Variants in TMEM232 observed in about 807,000 individuals in gnomAD.
TMEM232 encodes transmembrane protein 232.
TMEM232 carries 80 observed loss-of-function variants against 78.8 expected under a neutral mutation model. The ratio of observed to expected loss-of-function variants is 1.01; its 90% CI spans 0.85 to 1.22. The LOEUF (loss-of-function observed/expected upper bound fraction) is 1.22. Among genes scored for constraint, TMEM232 ranks in the 50% most tolerant of loss-of-function variants. The pLI, the probability that TMEM232 is intolerant of heterozygous loss-of-function variation, is 0.00. For missense variants in TMEM232, 881 were observed against 742.2 expected (o/e 1.19, Z -2.17); for synonymous variants, 297 against 254.3 (o/e 1.17, Z -1.60).
intron 12 of TMEM232, among the ~76,000 whole-genome samples, chr5:110,461,509 G>A (rs1030650581): frequency 6.6e-5 from 10 of 152,200 alleles, no homozygotes; most frequent in Admixed American, 3.3e-4. Context: ...AGAAACTGCA[G>A]CAAGTTATCC....
At chr5:110,500,973 CA>C (rs1266252540) in intron 12 of TMEM232, among the ~76,000 whole-genome samples, 2 of 152,156 alleles carry the variant, frequency 1.3e-5, no homozygotes, top group African/African-American at 4.8e-5. Flanking sequence ...GGTCAAAATG[CA>C]AGATACAAAA....
chr5:110,470,587 C>A (rs1762562289), intron 12 of TMEM232, among the ~76,000 whole-genome samples: 1 of 152,126 alleles, frequency 6.6e-6, no homozygotes, highest in African/African-American at 2.4e-5. Flanking sequence ...ACTGAGGACC[C>A]TAATAACTTG....
intron 12 of TMEM232, among the ~76,000 whole-genome samples, chr5:110,469,166 C>G (rs1261682261): frequency 6.6e-6 from 1 of 152,164 alleles, no homozygotes; most frequent in Non-Finnish European, 1.5e-5. Context: ...CCCATAGAAA[C>G]AAACAGCCAA....
intron 10 of TMEM232, among the ~76,000 whole-genome samples, chr5:110,604,318 T>A (rs2149823055): frequency 6.6e-6 from 1 of 152,264 alleles, no homozygotes; most frequent in East Asian, 1.9e-4. Context: ...TTCTATTATC[T>A]CCCATAAATA....
chr5:110,505,541 A>C (rs905021843), intron 12 of TMEM232, among the ~76,000 whole-genome samples: 2 of 152,128 alleles, frequency 1.3e-5, no homozygotes, highest in African/African-American at 4.8e-5. Flanking sequence ...GAGTCTTGAT[A>C]TGTCACCCAG....
chr5:110,517,416 G>A (rs1377483936), intron 12 of TMEM232, among the ~76,000 whole-genome samples: 1 of 152,170 alleles, frequency 6.6e-6, no homozygotes, highest in Non-Finnish European at 1.5e-5. Flanking sequence ...ATTTAAATTT[G>A]CTTTTACACA....
chr5:110,562,383 T>C (rs1367151525), intron 11 of TMEM232, among the ~76,000 whole-genome samples: 1 of 152,142 alleles, frequency 6.6e-6, no homozygotes, highest in Admixed American at 6.6e-5. Flanking sequence ...CATGACATTT[T>C]CTTATCTGCA....
At chr5:110,675,748 T>C (rs1791950822) in intron 1 of TMEM232, among the ~76,000 whole-genome samples, 1 of 152,242 alleles carries the variant, frequency 6.6e-6, no homozygotes, top group Non-Finnish European at 1.5e-5. Context: ...TCAGGCTAAT[T>C]AATATCTCCA....
At chr5:110,542,210 C>CA (rs1237416807) in intron 11 of TMEM232, among the ~76,000 whole-genome samples, 1 of 152,130 alleles carries the variant, frequency 6.6e-6, no homozygotes, top group African/African-American at 2.4e-5. Flanking sequence ...GTCTTTGTTG[C>CA]ATAGTTACTG....
At chr5:110,583,819 CA>C (rs1778478012) in intron 10 of TMEM232, among the ~76,000 whole-genome samples, 1 of 151,120 alleles carries the variant, frequency 6.6e-6, no homozygotes, top group Non-Finnish European at 1.5e-5. Context: ...ACAAAATGGG[CA>C]AAGGACTTAA....
At chr5:110,458,657 T>C (rs1169745177) in intron 12 of TMEM232, among the ~76,000 whole-genome samples, 1 of 152,200 alleles carries the variant, frequency 6.6e-6, no homozygotes, top group Non-Finnish European at 1.5e-5. Flanking sequence ...TCAGTTGAAA[T>C]CCATTCATTA....
intron 12 of TMEM232, among the ~76,000 whole-genome samples, chr5:110,504,746 T>C (rs1387336153): frequency 2.0e-5 from 3 of 152,214 alleles, no homozygotes; most frequent in Admixed American, 1.3e-4. Context: ...CTTCAACTGA[T>C]TGGACAAGGG....
intron 1 of TMEM232, among the ~76,000 whole-genome samples, chr5:110,714,556 T>C (rs979914033): frequency 2.0e-5 from 3 of 152,166 alleles, no homozygotes; most frequent in Admixed American, 2.0e-4. Context: ...TTCTTTAAGG[T>C]GTAATGTCTG....
chr5:110,691,542 C>G (rs960233752), intron 1 of TMEM232, among the ~76,000 whole-genome samples: 1 of 152,170 alleles, frequency 6.6e-6, no homozygotes, highest in Non-Finnish European at 1.5e-5. Context: ...GCCAAGATGG[C>G]TTCAGGTTAG....
At chr5:110,427,707 G>A (rs1757395829) in intron 12 of TMEM232, among the ~76,000 whole-genome samples, 1 of 151,846 alleles carries the variant, frequency 6.6e-6, no homozygotes, top group African/African-American at 2.4e-5. Flanking sequence ...TTAGCTTCTA[G>A]TGGCTGTTGG....
intron 8 of TMEM232, among the ~76,000 whole-genome samples, chr5:110,611,939 G>T (rs1366773949): frequency 6.6e-6 from 1 of 152,104 alleles, no homozygotes; most frequent in East Asian, 1.9e-4. Flanking sequence ...AAAGTGAGAT[G>T]GAGAAGATAA....
At chr5:110,602,173 G>A (rs1476806523) in intron 10 of TMEM232, among the ~76,000 whole-genome samples, 1 of 152,062 alleles carries the variant, frequency 6.6e-6, no homozygotes, top group Non-Finnish European at 1.5e-5. Flanking sequence ...TTAAATGGAA[G>A]ATCTAAAACC....
chr5:110,427,190 A>G (rs571656647), intron 12 of TMEM232, among the ~76,000 whole-genome samples: 1 of 151,896 alleles, frequency 6.6e-6, no homozygotes, highest in Non-Finnish European at 1.5e-5. Context: ...GCAAATCTCA[A>G]AGCAAATTCT....
intron 2 of TMEM232, among the ~76,000 whole-genome samples, chr5:110,654,973 T>C (rs1217218788): frequency 4.6e-5 from 7 of 152,154 alleles, no homozygotes; most frequent in African/African-American, 1.4e-4. Context: ...CTAGGCATTA[T>C]GATTCAGGAC....
Sources: allele counts gnomAD v4.1 joint callset (sites outside exome capture counted in the v4.1 genomes callset), GRCh38; gene constraint gnomAD v4.1.1; transcripts MANE v1.5; gene names NCBI Gene and HGNC (gene_info 2026-07-23, HGNC 2026-07-21).